Variants in ENG observed in about 807,000 individuals in gnomAD.
ENG encodes endoglin, also known as CD105 antigen.
In ENG, 17 loss-of-function variants were observed where a neutral mutation model predicts 71.0. That is an observed-to-expected ratio of 0.24 (90% CI 0.16 to 0.36). The LOEUF (loss-of-function observed/expected upper bound fraction) is 0.36, where lower values mean the gene tolerates loss of function less well. Among genes scored for constraint, ENG ranks in the 10% least tolerant of loss-of-function variants. The pLI, the probability that ENG is intolerant of heterozygous loss-of-function variation, is 1.00. For missense variants in ENG, 749 were observed against 868.3 expected, an observed-to-expected ratio of 0.86 and a Z score of 1.73; for synonymous variants, 360 against 366.9, an observed-to-expected ratio of 0.98 and a Z score of 0.21.
chr9:127,843,730 CACATACAT>C (rs144213128), intron 1 of ENG, among the ~76,000 whole-genome samples: 7 of 6,868 alleles, frequency 1.0e-3, no homozygotes, highest in Admixed American at 2.7e-3. Flanking sequence ...CCCACACATC[CACATACAT>C]ATATATATAT....
chr9:127,845,901 T>A (rs1831160030), intron 1 of ENG, among the ~76,000 whole-genome samples: 1 of 152,110 alleles, frequency 6.6e-6, no homozygotes, highest in African/African-American at 2.4e-5. Flanking sequence ...AGAGACTGGG[T>A]CTCACTATGT....
At chr9:127,824,740 AGT>A (rs1830559680) in intron 7 of ENG, 58 bp downstream of exon 7, 3 of 1,425,788 alleles carry the variant, frequency 2.1e-6, no homozygotes, top group Non-Finnish European at 2.8e-6. Flanking sequence ...CTTCACCAAC[AGT>A]GTGGCCACTG....
chr9:127,854,276 C>T lies in ENG; in HGVS notation c.67+13G>A. 6.3e-6 allele frequency: 10 copies of T among 1,578,488 alleles called. No homozygotes were observed. The highest frequency in any genetic ancestry group is 1.3e-5 in the African/African-American group (1 of 74,130). On this transcript the variant is annotated intron_variant, in intron 1 of 14. Transcript: ENST00000373203. ...AGGCCGAGTCTCCCCACCCTGGGTCCCTGGACACCTACTTGTGGGGCTGAG... is the reference window on the plus strand; with the variant it reads ...AGGCCGAGTCTCCCCACCCTGGGTCTCTGGACACCTACTTGTGGGGCTGAG...
rs1231713455 is a variant in ENG, at chr9:127,818,893, G to T, written c.1312-61C>A. ...GCGGCGCCAGCCAGGAGGGCGAGGG[G>T]TGTGGGGAGGAACAGGCATCATGGC... On this transcript the variant is annotated intron_variant, in intron 10 of 14. Coordinates refer to ENST00000373203, the MANE Select transcript of ENG (RefSeq NM_001114753.3). 22 of 1,456,156 alleles carry T rather than the reference G, an allele frequency of 1.5e-5. No individual in the cohort carries two copies. In the East Asian group the frequency reaches 3.2e-4, roughly 21 times the overall value. 90.2% of individuals were successfully genotyped at this position (1,456,156 alleles called of 1,614,324 possible).
At chr9:127,828,529 G>A (rs946129004) in intron 3 of ENG, among the ~76,000 whole-genome samples, 17 of 152,194 alleles carry the variant, frequency 1.1e-4, no homozygotes, top group Non-Finnish European at 2.1e-4. Flanking sequence ...TGGCGGGCGC[G>A]TTTCATGTTC....
chr9:127,822,949 T>A (rs1830502905), intron 8 of ENG, among the ~76,000 whole-genome samples: 1 of 152,096 alleles, frequency 6.6e-6, no homozygotes, highest in Admixed American at 6.6e-5. Flanking sequence ...CAAGCGATTC[T>A]CCTGCCTCAG....
intron 2 of ENG, among the ~76,000 whole-genome samples, chr9:127,839,940 G>A (rs559678817): frequency 6.6e-6 from 1 of 152,264 alleles, no homozygotes; most frequent in South Asian, 2.1e-4. Context: ...TAACAACCCT[G>A]GCAAAATGGG....
intron 8 of ENG, among the ~76,000 whole-genome samples, chr9:127,822,031 C>CA (rs1299965104): frequency 1.3e-5 from 2 of 151,598 alleles, no homozygotes; most frequent in African/African-American, 4.9e-5. Flanking sequence ...GCCTGGGTGA[C>CA]AGAGCAAGAC....
intron 1 of ENG, among the ~76,000 whole-genome samples, chr9:127,845,990 G>C (rs1217953086): frequency 6.6e-6 from 1 of 152,232 alleles, no homozygotes. Context: ...TTACAGGTGT[G>C]AGCCACCATG....
rs762997418 is a variant in ENG at position 127,820,054 on chromosome 9, G to A, written c.1135-17C>T. On this transcript the variant is annotated splice_polypyrimidine_tract_variant and intron_variant, in intron 8 of 14. Coordinates refer to ENST00000373203, the MANE Select transcript of ENG (RefSeq NM_001114753.3). The stretch of plus-strand genomic sequence containing the variant: ...CTTCAAATGCTGGGTCGGAAGAGAG[G>A]GGCACCATCAGGAGGCACTGGGGTC... 1.9e-6 allele frequency: 3 copies of A among 1,612,408 alleles called. No individual in the cohort carries two copies. The highest frequency in any genetic ancestry group is 2.5e-6 in the Non-Finnish European group (3 of 1,179,620).
At chr9:127,825,527 G>A (rs1324855586) in intron 5 of ENG, among the ~76,000 whole-genome samples, 168 bp downstream of exon 5, 1 of 151,386 alleles carries the variant, frequency 6.6e-6, no homozygotes, top group Non-Finnish European at 1.5e-5. Context: ...GCCCATAGGG[G>A]GCGTAGCCTA....
intron 3 of ENG, among the ~76,000 whole-genome samples, chr9:127,827,543 G>A (rs1454667190): frequency 1.3e-5 from 2 of 152,316 alleles, no homozygotes; most frequent in East Asian, 3.9e-4. Context: ...AAGCTGTTGG[G>A]GCCACTGACT....
intron 2 of ENG, among the ~76,000 whole-genome samples, chr9:127,830,638 G>A (rs1193810748): frequency 6.6e-6 from 1 of 150,500 alleles, no homozygotes; most frequent in Non-Finnish European, 1.5e-5. Context: ...CAAGAATGAC[G>A]CTCCGTCTCA....
intron 2 of ENG, chr9:127,832,606 G>A (rs1264662811): frequency 2.0e-5 from 3 of 151,994 alleles, no homozygotes; most frequent in Non-Finnish European, 4.4e-5. Context: ...AAACCCCAAT[G>A]GTGCGATCCT....
intron 2 of ENG, 30 bp downstream of exon 2, chr9:127,843,064 C>T: frequency 6.2e-7 from 1 of 1,613,376 alleles, no homozygotes; most frequent in African/African-American, 1.3e-5. Context: ...TCCTCTGAGC[C>T]CCCACCCGAC....
chr9:127,838,480 T>G lies in ENG; in HGVS notation c.219+4614A>C, dbSNP rs1830954848. ...TGGGGGAGCTAAGGTCCCTCCCGGCTCTCTCTCTCTGCCTGAGTGGTGTTG... is the reference window on the plus strand; with the variant it reads ...TGGGGGAGCTAAGGTCCCTCCCGGCGCTCTCTCTCTGCCTGAGTGGTGTTG... On this transcript the variant is annotated intron_variant, in intron 2 of 14. Transcript: ENST00000373203. The surrounding 1 kb of genome is among the most constrained non-coding windows in gnomAD (Gnocchi z 4.3). 6.6e-6 allele frequency among the ~76,000 whole-genome samples: 1 copy of G among 151,942 alleles called. No individual in the cohort carries two copies. Among genetic ancestry groups the G allele is most frequent in the Non-Finnish European group, 1.5e-5 (1 of 67,952 alleles).
In ENG at chr9:127,815,635, TG is replaced by T; in HGVS notation, c.*46del. 1 of 1,537,978 alleles carries T rather than the reference TG, an allele frequency of 6.5e-7. No individual in the cohort carries two copies. The highest frequency in any genetic ancestry group is 1.4e-5 in the African/African-American group (1 of 73,356). On this transcript the variant is annotated 3_prime_UTR_variant, in exon 15 of 15. Coordinates refer to ENST00000373203, the MANE Select transcript of ENG (RefSeq NM_001114753.3). The stretch of plus-strand genomic sequence containing the variant: ...GTGAGTTCACACCAGTGCTCCCAGC[TG>T]GCGGCTGCTCAGTCTCTCCTGCTGG...
chr9:127,834,751 A>G (rs904441374), intron 2 of ENG, among the ~76,000 whole-genome samples: 2 of 150,562 alleles, frequency 1.3e-5, no homozygotes, highest in African/African-American at 5.0e-5. Flanking sequence ...TTTGGCCACA[A>G]TGGTCTTAAT....
chr9:127,830,059 A>C (rs1830727216), intron 2 of ENG, among the ~76,000 whole-genome samples: 1 of 152,216 alleles, frequency 6.6e-6, no homozygotes, highest in East Asian at 1.9e-4. Context: ...AAAAAAAATT[A>C]GGCTGGGCAC....
Sources: gnomAD v4.1 joint callset for allele counts (sites outside exome capture counted in the v4.1 genomes callset) on GRCh38, gnomAD v4.1.1 for gene constraint, Gnocchi (gnomAD v3.1) non-coding constraint, MANE v1.5 for transcripts, NCBI Gene and HGNC (gene_info 2026-07-23, HGNC 2026-07-21) for gene names.